Variants in CNTNAP2 observed in about 807,000 individuals in gnomAD.
The protein encoded by CNTNAP2 is contactin associated protein 2.
In CNTNAP2, 98 loss-of-function variants were observed where a neutral mutation model predicts 155.2. That is an observed-to-expected ratio of 0.63 (90% CI 0.54 to 0.75). The LOEUF (loss-of-function observed/expected upper bound fraction) is 0.75, where lower values mean the gene tolerates loss of function less well. CNTNAP2 is among the 30% of genes least tolerant of loss of function. CNTNAP2 has a pLI of 0.00. For synonymous variants in CNTNAP2, 651 were observed against 631.2 expected, an observed-to-expected ratio of 1.03 and a Z score of -0.47; for missense variants, 1,727 against 1,688.1, an observed-to-expected ratio of 1.02 and a Z score of -0.40.
chr7:147,661,910 C>G (rs28720975), intron 13 of CNTNAP2, among the ~76,000 whole-genome samples: 7,573 of 152,096 alleles, frequency 0.05, 617 homozygotes, highest in African/African-American at 0.17. Flanking sequence ...GTAGCCCTAC[C>G]TAGTAGAAAC....
rs549973161 is a variant in CNTNAP2, at chr7:147,851,874, C to G, written c.2099-51691C>G. Among the ~76,000 whole-genome samples the G allele has an allele frequency of 1.4e-4, 22 of 151,896 alleles. No homozygotes were observed. In the South Asian group the frequency reaches 4.6e-3, roughly 32 times the overall value. On this transcript the variant is annotated intron_variant, in intron 13 of 23. Coordinates refer to ENST00000361727, the MANE Select transcript of CNTNAP2 (RefSeq NM_014141.6). The stretch of plus-strand genomic sequence containing the variant: ...TGTATACATATGTAATAAACCTGCA[C>G]GTTGTGCATATGTACCCTAGAACTT...
chr7:146,233,461 ACT>A lies in CNTNAP2; in HGVS notation c.97+116491_97+116492del, dbSNP rs566324300. ...AAGCCTTTTCAGAATATACTCTGTG[ACT>A]CTTTTTTTTTTATTATTATACTTTA... On this transcript the variant is annotated intron_variant, in intron 1 of 23. Transcript: ENST00000361727. Among the ~76,000 whole-genome samples, 686 of 79,188 alleles carry A rather than the reference ACT, an allele frequency of 8.7e-3. 6 individuals carry two copies. Among genetic ancestry groups the A allele is most frequent in the Non-Finnish European group, 0.015 (482 of 32,196 alleles). The allele number at this position is 79,188 out of a possible 152,430, so 52.0% of individuals were successfully genotyped here. A position where few individuals can be genotyped will look rare whatever the true frequency, so the allele number is the denominator to read the frequency against.
chr7:146,343,910 G>T (rs975721599), intron 1 of CNTNAP2, among the ~76,000 whole-genome samples: 1 of 151,892 alleles, frequency 6.6e-6, no homozygotes, highest in Non-Finnish European at 1.5e-5. Context: ...TAAATAAATT[G>T]TACAGTAATT....
intron 21 of CNTNAP2, among the ~76,000 whole-genome samples, chr7:148,305,073 A>G (rs1181902272): frequency 6.8e-6 from 1 of 147,752 alleles, no homozygotes; most frequent in Non-Finnish European, 1.5e-5. Flanking sequence ...AAAAAAAGAC[A>G]TTAACTTGGT....
intron 1 of CNTNAP2, among the ~76,000 whole-genome samples, chr7:146,490,631 A>G (rs1298079088): frequency 6.6e-6 from 1 of 152,232 alleles, no homozygotes; most frequent in African/African-American, 2.4e-5. Flanking sequence ...CCCAATGGGA[A>G]AATACTAAGA....
intron 8 of CNTNAP2, among the ~76,000 whole-genome samples, chr7:147,172,957 CAAGAAGAAAGGA>C (rs1224376054): frequency 1.3e-5 from 2 of 152,010 alleles, no homozygotes; most frequent in Admixed American, 6.6e-5. Context: ...AAAGACAAAT[CAAGAAGAAAGGA>C]AAGAAGAAAG....
intron 1 of CNTNAP2, among the ~76,000 whole-genome samples, chr7:146,657,158 T>C (rs371169640): frequency 1.7e-4 from 26 of 152,318 alleles, no homozygotes; most frequent in African/African-American, 5.5e-4. Context: ...ATCTCATTTA[T>C]TCTCAATTTG....
intron 16 of CNTNAP2, among the ~76,000 whole-genome samples, chr7:148,142,771 T>TAGAGCCAAAAACACC: frequency 6.6e-6 from 1 of 152,310 alleles, no homozygotes; most frequent in South Asian, 2.1e-4. Context: ...TATTGGTCAG[T>TAGAGCCAAAAACACC]TGTTAAATTT....
chr7:146,914,846 T>G (rs914208949), intron 3 of CNTNAP2, among the ~76,000 whole-genome samples: 1 of 151,088 alleles, frequency 6.6e-6, no homozygotes, highest in Admixed American at 6.6e-5. Context: ...TGTTTTTTTG[T>G]TTTTTTTGCA....
intron 13 of CNTNAP2, among the ~76,000 whole-genome samples, chr7:147,855,153 T>G (rs1049199667): frequency 4.6e-5 from 7 of 152,166 alleles, no homozygotes; most frequent in Admixed American, 3.9e-4. Context: ...TAGAGTGTGA[T>G]GTAGATTCAC....
chr7:147,097,872 T>G (rs1452688525), intron 4 of CNTNAP2, among the ~76,000 whole-genome samples: 1 of 152,248 alleles, frequency 6.6e-6, no homozygotes, highest in Non-Finnish European at 1.5e-5. Context: ...CAGGGTACTG[T>G]CAATTTCATT....
intron 12 of CNTNAP2, among the ~76,000 whole-genome samples, chr7:147,631,063 C>G (rs1471495270): frequency 6.6e-6 from 1 of 151,886 alleles, no homozygotes; most frequent in African/African-American, 2.4e-5. Context: ...TGATCATATA[C>G]CTAGAAAACC....
chr7:147,471,489 G>A (rs1011016568), intron 10 of CNTNAP2, among the ~76,000 whole-genome samples: 6 of 152,318 alleles, frequency 3.9e-5, no homozygotes, highest in South Asian at 2.1e-4. Flanking sequence ...AAGTGGGGCA[G>A]TGGTATTGAG....
intron 21 of CNTNAP2, among the ~76,000 whole-genome samples, chr7:148,301,719 T>G (rs1000529283): frequency 1.3e-5 from 2 of 152,228 alleles, no homozygotes; most frequent in Non-Finnish European, 2.9e-5. Flanking sequence ...GATGTGGATC[T>G]GTGCCAGTGG....
chr7:147,245,530 T>G (rs1349173821), intron 8 of CNTNAP2, among the ~76,000 whole-genome samples: 1 of 152,002 alleles, frequency 6.6e-6, no homozygotes, highest in Non-Finnish European at 1.5e-5. Context: ...GATCTAGATC[T>G]CAAATAAAAT....
intron 3 of CNTNAP2, among the ~76,000 whole-genome samples, chr7:146,956,218 A>G (rs1202752284): frequency 1.3e-5 from 2 of 152,148 alleles, no homozygotes; most frequent in African/African-American, 4.8e-5. Context: ...TAAACAATTC[A>G]GTTAGGAAAC....
rs189813361 is a variant in CNTNAP2 at position 146,744,322 on chromosome 7, A to C, written c.98-29949A>C. 4.7e-3 allele frequency among the ~76,000 whole-genome samples: 720 copies of C among 151,980 alleles called. 6 individuals are homozygous for C. Among genetic ancestry groups the C allele is most frequent in the African/African-American group, 0.016 (651 of 41,450 alleles). ...TTAAATATCAAATGATTAAACTTAC[A>C]TTAGATGTATAGAAGCTACCATCAA... On this transcript the variant is annotated intron_variant, in intron 1 of 23. Coordinates refer to ENST00000361727, the MANE Select transcript of CNTNAP2 (RefSeq NM_014141.6).
chr7:148,235,499 T>C (rs569685919), intron 20 of CNTNAP2, among the ~76,000 whole-genome samples: 153 of 152,296 alleles, frequency 1.0e-3, no homozygotes, highest in African/African-American at 3.6e-3. Flanking sequence ...GCAGGCACTC[T>C]GAGGACCTGC....
chr7:147,226,554 A>G (rs1267374414), intron 8 of CNTNAP2, among the ~76,000 whole-genome samples: 1 of 152,046 alleles, frequency 6.6e-6, no homozygotes. Context: ...AAATCATTAG[A>G]GGAAACTTTC....
Sources: allele counts gnomAD v4.1 joint callset (sites outside exome capture counted in the v4.1 genomes callset), GRCh38; gene constraint gnomAD v4.1.1; transcripts MANE v1.5; gene names NCBI Gene and HGNC (gene_info 2026-07-23, HGNC 2026-07-21).